Variants in PAXIP1 observed in about 807,000 individuals in gnomAD.
The protein encoded by PAXIP1 is PAX-interacting protein 1.
PAXIP1 carries 19 observed loss-of-function variants against 140.6 expected under a neutral mutation model. That is an observed-to-expected ratio of 0.14 (90% CI 0.09 to 0.20). The LOEUF is 0.20. Among genes scored for constraint, PAXIP1 ranks in the 10% least tolerant of loss-of-function variants. The pLI is 1.00. For synonymous variants in PAXIP1, 442 were observed against 444.6 expected, an observed-to-expected ratio of 0.99 and a Z score of 0.07; for missense variants, 920 against 1,208.6, an observed-to-expected ratio of 0.76 and a Z score of 3.54.
chr7:154,969,220 T>C lies in PAXIP1; in HGVS notation c.1075-94A>G, dbSNP rs79810636. ...CAAGAGAATGGCATATCCTATTTATTAACAATATTCAACTAAGTAGACACA... is the reference window on the plus strand; with the variant it reads ...CAAGAGAATGGCATATCCTATTTATCAACAATATTCAACTAAGTAGACACA... On this transcript the variant is annotated intron_variant, in intron 6 of 20. Coordinates refer to ENST00000404141, the MANE Select transcript of PAXIP1 (RefSeq NM_007349.4). 1,151 of 1,307,522 alleles carry C rather than the reference T, an allele frequency of 8.8e-4. 8 individuals are homozygous for C. The African/African-American group carries it at 0.014, about 16-fold the overall frequency. The allele number at this position is 1,307,522 out of a possible 1,614,324, so 81.0% of individuals were successfully genotyped here. A position where few individuals can be genotyped will look rare whatever the true frequency, so the allele number is the denominator to read the frequency against.
chr7:154,959,834 C>A, intron 13 of PAXIP1, 56 bp downstream of exon 13: 1 of 1,049,892 alleles, frequency 9.5e-7, no homozygotes, highest in South Asian at 1.3e-5. Context: ...AAATACATCC[C>A]TACTGCATCT....
intron 8 of PAXIP1, among the ~76,000 whole-genome samples, chr7:154,966,579 T>G (rs531861159): frequency 6.6e-6 from 1 of 152,342 alleles, no homozygotes; most frequent in African/African-American, 2.4e-5. Flanking sequence ...ATCTTTGAGT[T>G]TTGTTGTACT....
chr7:154,963,987 G>A lies in PAXIP1; in HGVS notation c.1894-221C>T. On this transcript the variant is annotated intron_variant, in intron 8 of 20. Transcript: ENST00000404141. The surrounding 1 kb of genome is among the most constrained non-coding windows in gnomAD (Gnocchi z 4.1). Reference sequence around the variant, plus strand: ...CTCTAAATTTAATCTGAATTCCCAGGATACAAGAGAAGAACAATGGAATGC... The same window carrying A: ...CTCTAAATTTAATCTGAATTCCCAGAATACAAGAGAAGAACAATGGAATGC... 2 of 522,078 alleles carry A rather than the reference G, an allele frequency of 3.8e-6. No homozygotes were observed. Among genetic ancestry groups the A allele is most frequent in the East Asian group, 3.3e-5 (1 of 30,316 alleles). The allele number at this position is 522,078 out of a possible 1,614,324, so 32.3% of individuals were successfully genotyped here. A position where few individuals can be genotyped will look rare whatever the true frequency, so the allele number is the denominator to read the frequency against.
Position 154,946,500 on chromosome 7 carries a change from G to A in PAXIP1, c.3133+12C>T, listed in dbSNP as rs369240498. The A allele has an allele frequency of 5.6e-6, 9 of 1,612,746 alleles. No homozygotes were observed. Among genetic ancestry groups the A allele is most frequent in the Non-Finnish European group, 4.2e-6 (5 of 1,178,746 alleles). Reference sequence around the variant, plus strand: ...TGCACACATACTCACACAGGTAAGCGGGGAAACGTACCTATGCCTCTGGCA... The same window carrying A: ...TGCACACATACTCACACAGGTAAGCAGGGAAACGTACCTATGCCTCTGGCA... On this transcript the variant is annotated intron_variant, in intron 19 of 20. Coordinates refer to ENST00000404141, the MANE Select transcript of PAXIP1 (RefSeq NM_007349.4). The surrounding 1 kb of genome is among the most constrained non-coding windows in gnomAD (Gnocchi z 4.9).
chr7:154,989,231 G>C (rs932990513), intron 4 of PAXIP1, among the ~76,000 whole-genome samples: 2 of 152,192 alleles, frequency 1.3e-5, no homozygotes, highest in African/African-American at 4.8e-5. Context: ...CTTGGACAGA[G>C]GATGGATCAA....
chr7:155,003,004 C>G lies in PAXIP1; in HGVS notation c.-75G>C, dbSNP rs1811006169. 1.7e-6 allele frequency: 1 copy of G among 598,274 alleles called. No individual in the cohort carries two copies. Among genetic ancestry groups the G allele is most frequent in the Non-Finnish European group, 2.1e-6 (1 of 480,882 alleles). 37.1% of individuals were successfully genotyped at this position (598,274 alleles called of 1,614,324 possible). ...CCCCGCCCCCGGCCCCCGCGGCGCC[C>G]GGCGCCCCCACTCGCCCCGCCAACG... On this transcript the variant is annotated 5_prime_UTR_variant, in exon 1 of 21. Coordinates refer to ENST00000404141, the MANE Select transcript of PAXIP1 (RefSeq NM_007349.4).
Position 154,946,334 on chromosome 7 carries a change from C to G in PAXIP1, c.3194+31G>C, listed in dbSNP as rs141313437. On this transcript the variant is annotated intron_variant, in intron 20 of 20. Transcript: ENST00000404141. The surrounding 1 kb of genome is among the most constrained non-coding windows in gnomAD (Gnocchi z 4.9). ...GAAATCCATTTCATATCTAACCCGT[C>G]TACTTTTTAATTCTCTTTTGGAAAG... 1.2e-4 allele frequency: 190 copies of G among 1,613,674 alleles called. No homozygotes were observed. The African/African-American group carries it at 2.3e-3, about 19-fold the overall frequency.
chr7:155,000,707 T>C (rs1170654106), intron 1 of PAXIP1: 3 of 152,256 alleles, frequency 2.0e-5, no homozygotes, highest in Non-Finnish European at 2.9e-5. Context: ...ATAGCTTCTC[T>C]TCAATCTCCA....
At chr7:154,967,961 T>C (rs893942) in intron 7 of PAXIP1, 51 bp from the exon 8 acceptor site, 734,979 of 1,264,682 alleles carry the variant, frequency 0.58, 216,735 homozygotes, top group Admixed American at 0.71. Context: ...ATGAATATGC[T>C]TGCACAAAAG....
rs1220135148 is a variant in PAXIP1 at position 154,954,024 on chromosome 7, G to A, written c.2821+231C>T. Among the ~76,000 whole-genome samples the A allele has an allele frequency of 6.6e-6, 1 of 152,154 alleles. No homozygotes were observed. The highest frequency in any genetic ancestry group is 1.5e-5 in the Non-Finnish European group (1 of 68,028). ...AGAAAATAAAAAGAGGGATATAGAG[G>A]TTGTTTTCCCCCTAATATTGTCCAA... On this transcript the variant is annotated intron_variant, in intron 16 of 20. Transcript: ENST00000404141. This position sits in a 1 kb window ranked among gnomAD's most constrained non-coding sequence, Gnocchi z 5.1.
At chr7:154,965,854 C>A (rs760796429) in intron 8 of PAXIP1, 12 of 152,356 alleles carry the variant, frequency 7.9e-5, no homozygotes, top group Non-Finnish European at 1.5e-4. Flanking sequence ...GGGGTGAGCA[C>A]CCCTAGGCCC....
At chr7:154,944,371 A>ACAT in intron 20 of PAXIP1, 1 of 451,836 alleles carries the variant, frequency 2.2e-6, no homozygotes, top group Non-Finnish European at 4.0e-6. Context: ...CAGCCCGGGG[A>ACAT]CATCAGCACC....
intron 8 of PAXIP1, chr7:154,967,574 C>T: frequency 2.1e-6 from 1 of 480,280 alleles, no homozygotes; most frequent in Non-Finnish European, 3.7e-6. Flanking sequence ...AATTAGTGCC[C>T]CCTGGAATTT....
At chr7:154,977,247 GA>G (rs1809623014) in intron 5 of PAXIP1, among the ~76,000 whole-genome samples, 1 of 152,202 alleles carries the variant, frequency 6.6e-6, no homozygotes, top group Admixed American at 6.5e-5. Flanking sequence ...TGTTAAATAA[GA>G]GTAATATGAC....
chr7:154,997,957 C>T (rs1478315866), intron 2 of PAXIP1, among the ~76,000 whole-genome samples: 2 of 152,240 alleles, frequency 1.3e-5, no homozygotes, highest in Non-Finnish European at 2.9e-5. Context: ...GAATGAAATA[C>T]ACTCTTACAA....
At chr7:154,957,960 C>T (rs530710576) in intron 13 of PAXIP1, among the ~76,000 whole-genome samples, 122 of 115,902 alleles carry the variant, frequency 1.1e-3, no homozygotes, top group Non-Finnish European at 1.9e-3. Flanking sequence ...GGCGACAGAG[C>T]GAGACTCCGT....
chr7:154,945,934 G>A lies in PAXIP1; in HGVS notation c.3194+431C>T, dbSNP rs552226848. 52 of 985,198 alleles carry A rather than the reference G, an allele frequency of 5.3e-5. No individual in the cohort carries two copies. The South Asian group carries it at 2.0e-3, about 38-fold the overall frequency. The allele number at this position is 985,198 out of a possible 1,614,324, so 61.0% of individuals were successfully genotyped here. On this transcript the variant is annotated intron_variant, in intron 20 of 20. Transcript: ENST00000404141. ...ATGTTGATGAAGTATTCATTCTGCCGCTTCCATTTAGTAGTAATTTATCTC... is the reference window on the plus strand; with the variant it reads ...ATGTTGATGAAGTATTCATTCTGCCACTTCCATTTAGTAGTAATTTATCTC...
chr7:154,987,828 C>T (rs556995971), intron 4 of PAXIP1, among the ~76,000 whole-genome samples: 59 of 152,270 alleles, frequency 3.9e-4, no homozygotes, highest in African/African-American at 1.3e-3. Flanking sequence ...CTGCTGAGTC[C>T]CATCTGTTGC....
At chr7:154,969,807 G>A (rs536651976) in intron 6 of PAXIP1, among the ~76,000 whole-genome samples, 5 of 152,286 alleles carry the variant, frequency 3.3e-5, no homozygotes, top group African/African-American at 4.8e-5. Flanking sequence ...AGACACCACC[G>A]GGGCTGTTTA....
Sources: allele counts gnomAD v4.1 joint callset (sites outside exome capture counted in the v4.1 genomes callset), GRCh38; gene constraint gnomAD v4.1.1; non-coding constraint Gnocchi (gnomAD v3.1); transcripts MANE v1.5; gene names NCBI Gene and HGNC (gene_info 2026-07-23, HGNC 2026-07-21).